Variants in COG5 observed in about 807,000 individuals in gnomAD.
COG5 encodes component of oligomeric golgi complex 5, also known as conserved oligomeric Golgi complex subunit 5.
Under a neutral mutation model 110.4 loss-of-function variants are expected in COG5, and 86 were observed. That is an observed-to-expected ratio of 0.78 (90% CI 0.65 to 0.93). COG5 has a LOEUF of 0.93. COG5 is among the 40% of genes least tolerant of loss of function. The pLI is 0.00. For missense variants in COG5, 1,077 were observed against 987.0 expected (o/e 1.09, Z -1.22); for synonymous variants, 360 against 334.6 (o/e 1.08, Z -0.83).
At chr7:107,495,105 A>G (rs1337713673) in intron 6 of COG5, among the ~76,000 whole-genome samples, 2 of 152,156 alleles carry the variant, frequency 1.3e-5, no homozygotes, top group Non-Finnish European at 2.9e-5. Context: ...TTTCAGACTG[A>G]TAGCATTCCC....
intron 6 of COG5, among the ~76,000 whole-genome samples, chr7:107,468,355 A>T (rs557456223): frequency 4.6e-5 from 7 of 152,092 alleles, no homozygotes. Flanking sequence ...TCCCCATCAC[A>T]TATTTCCACT....
chr7:107,447,430 A>C (rs2129090829), intron 6 of COG5, among the ~76,000 whole-genome samples: 1 of 152,334 alleles, frequency 6.6e-6, no homozygotes, highest in South Asian at 2.1e-4. Context: ...ATTCTTCAGA[A>C]ATGATGTAAT....
chr7:107,408,091 A>G (rs1791995599), intron 7 of COG5, among the ~76,000 whole-genome samples: 2 of 152,258 alleles, frequency 1.3e-5, no homozygotes, highest in South Asian at 4.1e-4. Context: ...AAGAATACAG[A>G]AACAATCAGA....
intron 8 of COG5, among the ~76,000 whole-genome samples, chr7:107,367,321 G>T (rs1330074035): frequency 1.3e-5 from 2 of 152,050 alleles, no homozygotes; most frequent in African/African-American, 4.8e-5. Context: ...AGGGAGAGAT[G>T]AATATAGAAA....
intron 14 of COG5, among the ~76,000 whole-genome samples, chr7:107,268,045 C>T (rs1219152629): frequency 2.0e-5 from 3 of 152,200 alleles, no homozygotes; most frequent in Middle Eastern, 3.4e-3. Context: ...CTCGGCTCAC[C>T]GCAACCTCTG....
intron 11 of COG5, among the ~76,000 whole-genome samples, chr7:107,320,764 G>A (rs1055211753): frequency 6.6e-6 from 1 of 152,180 alleles, no homozygotes; most frequent in Non-Finnish European, 1.5e-5. Flanking sequence ...ACTGTAAAAT[G>A]AGACCCTCTC....
At chr7:107,488,072 T>C (rs1224227852) in intron 6 of COG5, among the ~76,000 whole-genome samples, 2 of 152,200 alleles carry the variant, frequency 1.3e-5, no homozygotes, top group East Asian at 1.9e-4. Flanking sequence ...ATAAGAAACA[T>C]TGTTTTATTA....
At position 107,258,547 on chromosome 7, in the gene COG5, A is replaced by G. The variant is rs1011661687; in HGVS notation, c.1576-164T>C. On this transcript the variant is annotated intron_variant, in intron 14 of 21. Coordinates refer to ENST00000297135, the MANE Select transcript of COG5 (RefSeq NM_006348.5). ...AATGTTAACTGGAAATATTCAGGTCAACTTAAAGCTTTGGACTTGAGGTAA... is the reference window on the plus strand; with the variant it reads ...AATGTTAACTGGAAATATTCAGGTCGACTTAAAGCTTTGGACTTGAGGTAA... 5 of 640,808 alleles carry G rather than the reference A, an allele frequency of 7.8e-6. No homozygotes were observed. In the African/African-American group the frequency reaches 9.1e-5, roughly 12 times the overall value. 39.7% of individuals were successfully genotyped at this position (640,808 alleles called of 1,614,324 possible). A position where few individuals can be genotyped will look rare whatever the true frequency, so the allele number is the denominator to read the frequency against.
chr7:107,270,138 A>C (rs1213589512), intron 14 of COG5, among the ~76,000 whole-genome samples: 2 of 152,200 alleles, frequency 1.3e-5, no homozygotes, highest in Non-Finnish European at 2.9e-5. Flanking sequence ...CTGAATACTA[A>C]TCAAATTATT....
intron 16 of COG5, among the ~76,000 whole-genome samples, chr7:107,251,806 A>C (rs1255937232): frequency 6.6e-6 from 1 of 152,140 alleles, no homozygotes. Context: ...ATAGCAAAGA[A>C]AACTCACAAA....
intron 1 of COG5, among the ~76,000 whole-genome samples, chr7:107,559,031 T>C (rs1319913971): frequency 6.7e-6 from 1 of 149,640 alleles, no homozygotes; most frequent in African/African-American, 2.5e-5. Flanking sequence ...TATATACACA[T>C]ATGTAATATT....
rs192817712 is a variant in COG5 at position 107,322,548 on chromosome 7, A to C, written c.1108+1892T>G. 1.0e-3 allele frequency among the ~76,000 whole-genome samples: 155 copies of C among 152,326 alleles called. 1 individual carries two copies. The highest frequency in any genetic ancestry group is 3.5e-3 in the African/African-American group (144 of 41,580). On this transcript the variant is annotated intron_variant, in intron 11 of 21. Coordinates refer to ENST00000297135, the MANE Select transcript of COG5 (RefSeq NM_006348.5). ...AAAAAACTAGTACACACCCACTGGAATGACTAAAATTAAAATAACTGACAA... is the reference window on the plus strand; with the variant it reads ...AAAAAACTAGTACACACCCACTGGACTGACTAAAATTAAAATAACTGACAA...
At chr7:107,411,081 C>T (rs1159844436) in intron 7 of COG5, among the ~76,000 whole-genome samples, 2 of 151,956 alleles carry the variant, frequency 1.3e-5, no homozygotes, top group Non-Finnish European at 2.9e-5. Context: ...ATGGGAGACA[C>T]AAAAGGATTA....
At chr7:107,470,585 T>C (rs1389665093) in intron 6 of COG5, 1 of 152,198 alleles carries the variant, frequency 6.6e-6, no homozygotes, top group Non-Finnish European at 1.5e-5. Context: ...TAAGATCTAT[T>C]TCTTTTAAGA....
chr7:107,212,240 T>C (rs1283283066), intron 19 of COG5, among the ~76,000 whole-genome samples: 3 of 152,232 alleles, frequency 2.0e-5, no homozygotes, highest in Non-Finnish European at 4.4e-5. Context: ...AATAACATTA[T>C]GTTGTAATTT....
At chr7:107,499,551 G>A (rs1798505460) in intron 6 of COG5, among the ~76,000 whole-genome samples, 3 of 151,974 alleles carry the variant, frequency 2.0e-5, no homozygotes, top group Admixed American at 2.0e-4. Context: ...GATTAAAGGA[G>A]CACGTCACCA....
chr7:107,474,433 G>C lies in COG5; in HGVS notation c.538+52804C>G, dbSNP rs767086660. On this transcript the variant is annotated intron_variant, in intron 6 of 21. Coordinates refer to ENST00000297135, the MANE Select transcript of COG5 (RefSeq NM_006348.5). This position sits in a 1 kb window ranked among gnomAD's most constrained non-coding sequence, Gnocchi z 5.7. ...TTTCCATGAGGCTTGTGTATCTTTT[G>C]CAAGTGTCTCAACAGCAATCAACGT... is the stretch of plus-strand genomic sequence containing the variant. The C allele has an allele frequency of 3.7e-6, 6 of 1,613,190 alleles. No individual in the cohort carries two copies. The highest frequency in any genetic ancestry group is 1.3e-5 in the African/African-American group (1 of 74,968).
At chr7:107,463,649 C>T (rs145347639) in intron 6 of COG5, among the ~76,000 whole-genome samples, 2 of 152,214 alleles carry the variant, frequency 1.3e-5, no homozygotes, top group East Asian at 1.9e-4. Context: ...TGTTTTACCC[C>T]CTGTAGGAAC....
chr7:107,560,360 C>A (rs925213135), intron 1 of COG5, among the ~76,000 whole-genome samples: 1 of 152,150 alleles, frequency 6.6e-6, no homozygotes, highest in Non-Finnish European at 1.5e-5. Flanking sequence ...ATAAGTGGCA[C>A]TAAGAATGTC....
Sources: gnomAD v4.1 joint callset for allele counts (sites outside exome capture counted in the v4.1 genomes callset) on GRCh38, gnomAD v4.1.1 for gene constraint, Gnocchi (gnomAD v3.1) non-coding constraint, MANE v1.5 for transcripts, NCBI Gene and HGNC (gene_info 2026-07-23, HGNC 2026-07-21) for gene names.